Variants in GABRG3 observed in about 807,000 individuals in gnomAD.
GABRG3 encodes the protein gamma-aminobutyric acid receptor subunit gamma-3.
Under a neutral mutation model 48.8 loss-of-function variants are expected in GABRG3, and 25 were observed. The ratio of observed to expected loss-of-function variants is 0.51; its 90% CI spans 0.37 to 0.72. The LOEUF (loss-of-function observed/expected upper bound fraction) is 0.72. Ranked by LOEUF, GABRG3 falls within the 30% of genes least tolerant of loss-of-function variation. The pLI is 0.00. For synonymous variants in GABRG3, 227 were observed against 217.6 expected (o/e 1.04, Z -0.38); for missense variants, 394 against 577.9 (o/e 0.68, Z 3.26).
At chr15:27,279,722 T>C (rs1356702005) in intron 3 of GABRG3, among the ~76,000 whole-genome samples, 1 of 152,170 alleles carries the variant, frequency 6.6e-6, no homozygotes, top group Non-Finnish European at 1.5e-5. Context: ...TATTCTTCTC[T>C]TTAAAAAATT....
intron 3 of GABRG3, among the ~76,000 whole-genome samples, chr15:27,253,795 A>G (rs974394182): frequency 2.0e-5 from 3 of 152,218 alleles, no homozygotes; most frequent in Non-Finnish European, 2.9e-5. Context: ...CTTTTGCAAT[A>G]TAATGGAATG....
chr15:27,215,765 G>T (rs1323306262), intron 3 of GABRG3, among the ~76,000 whole-genome samples: 1 of 152,164 alleles, frequency 6.6e-6, no homozygotes, highest in Non-Finnish European at 1.5e-5. Flanking sequence ...GGATGAATGT[G>T]GGCAGTGACC....
intron 3 of GABRG3, among the ~76,000 whole-genome samples, chr15:27,148,794 G>A (rs897116579): frequency 9.2e-5 from 14 of 151,894 alleles, no homozygotes; most frequent in African/African-American, 1.9e-4. Context: ...ACAAAATTAC[G>A]CATTCTTCCA....
chr15:27,123,599 G>C (rs1897768434), intron 3 of GABRG3, among the ~76,000 whole-genome samples: 1 of 152,174 alleles, frequency 6.6e-6, no homozygotes, highest in Non-Finnish European at 1.5e-5. Flanking sequence ...AAATGGACTG[G>C]CATAGACATC....
chr15:27,076,254 C>G (rs576347944), intron 3 of GABRG3, among the ~76,000 whole-genome samples: 1 of 151,932 alleles, frequency 6.6e-6, no homozygotes, highest in African/African-American at 2.4e-5. Flanking sequence ...TGCCAAATCC[C>G]TGGAAGCTGC....
chr15:26,973,248 G>C (rs1469008325), intron 1 of GABRG3, among the ~76,000 whole-genome samples: 3 of 152,166 alleles, frequency 2.0e-5, no homozygotes, highest in Admixed American at 6.5e-5. Context: ...AAACAGTCCG[G>C]TTACTGGGGA....
intron 2 of GABRG3, among the ~76,000 whole-genome samples, chr15:26,984,454 AC>A (rs1360038087): frequency 6.6e-6 from 1 of 152,200 alleles, no homozygotes; most frequent in Admixed American, 6.5e-5. Flanking sequence ...TTTTCATAAT[AC>A]AAATTGTGAT....
At chr15:27,472,203 T>G (rs1889807462) in intron 5 of GABRG3, among the ~76,000 whole-genome samples, 4 of 152,190 alleles carry the variant, frequency 2.6e-5, no homozygotes. Flanking sequence ...TATGATAATT[T>G]AGGAAAATAT....
intron 3 of GABRG3, among the ~76,000 whole-genome samples, chr15:27,173,705 CAA>C (rs199674664): frequency 3.3e-4 from 24 of 73,308 alleles, no homozygotes; most frequent in African/African-American, 3.4e-4. Context: ...CTATCGCTGC[CAA>C]AAAAAAAAAA....
chr15:27,437,756 G>T (rs1217681103), intron 5 of GABRG3, among the ~76,000 whole-genome samples: 1 of 152,166 alleles, frequency 6.6e-6, no homozygotes, highest in African/African-American at 2.4e-5. Context: ...TTTTAAGAAG[G>T]TTTATTTGGC....
chr15:27,030,416 G>T (rs553549640), intron 3 of GABRG3, among the ~76,000 whole-genome samples: 1 of 152,278 alleles, frequency 6.6e-6, no homozygotes, highest in African/African-American at 2.4e-5. Flanking sequence ...TTGTTTAATA[G>T]ATTATCTTTG....
chr15:27,520,641 A>ATTTTTTTTTTTTTTTTTTTTTTT (rs1595808203), intron 7 of GABRG3, among the ~76,000 whole-genome samples: 7 of 140,938 alleles, frequency 5.0e-5, no homozygotes, highest in Admixed American at 7.4e-5. Flanking sequence ...GGTTCCCAAA[A>ATTTTTTTTTTTTTTTTTTTTTTT]TCTTCTTAAT....
chr15:27,444,917 G>T (rs1036771498), intron 5 of GABRG3, among the ~76,000 whole-genome samples: 1 of 151,956 alleles, frequency 6.6e-6, no homozygotes, highest in African/African-American at 2.4e-5. Context: ...AGTCACCCAG[G>T]CTGCAGTGCA....
intron 5 of GABRG3, among the ~76,000 whole-genome samples, chr15:27,359,098 T>A (rs9672192): frequency 0.36 from 54,725 of 151,894 alleles, 12,133 homozygotes; most frequent in African/African-American, 0.62. Context: ...ACCCCTAAGG[T>A]GGCCTCTCCC....
At chr15:27,260,461 G>A (rs576457209) in intron 3 of GABRG3, among the ~76,000 whole-genome samples, 66 of 152,090 alleles carry the variant, frequency 4.3e-4, no homozygotes, top group Admixed American at 2.4e-3. Flanking sequence ...CATGGTGCAC[G>A]GTAAAATAAA....
At chr15:27,335,999 C>T (rs939522417) in intron 5 of GABRG3, among the ~76,000 whole-genome samples, 1 of 151,922 alleles carries the variant, frequency 6.6e-6, no homozygotes, top group African/African-American at 2.4e-5. Context: ...ACCAGCGTGA[C>T]CAATATGGTG....
intron 5 of GABRG3, among the ~76,000 whole-genome samples, chr15:27,371,157 GA>G (rs151312214): frequency 3.3e-4 from 49 of 147,856 alleles, no homozygotes; most frequent in South Asian, 6.4e-4. Flanking sequence ...ACATTTTGTG[GA>G]AAAAAAAAAG....
At position 27,534,595 on chromosome 15, in the gene GABRG3, A is replaced by G. The variant is rs1242833283; in HGVS notation, c.*1714A>G. 2 of 152,224 alleles carry G rather than the reference A, an allele frequency of 1.3e-5. No individual in the cohort carries two copies. Among genetic ancestry groups the G allele is most frequent in the South Asian group, 2.1e-4 (1 of 4,830 alleles). 9.4% of individuals were successfully genotyped at this position (152,224 alleles called of 1,614,324 possible). A position where few individuals can be genotyped will look rare whatever the true frequency, so the allele number is the denominator to read the frequency against. On this transcript the variant is annotated 3_prime_UTR_variant, in exon 10 of 10. Coordinates refer to ENST00000615808, the MANE Select transcript of GABRG3 (RefSeq NM_033223.5). The stretch of plus-strand genomic sequence containing the variant: ...GAAACCGTAATTTTTAAAATTATCT[A>G]TTGTGCATACCATAATTACCCAGAA...
intron 3 of GABRG3, among the ~76,000 whole-genome samples, chr15:27,066,737 G>A (rs964448590): frequency 6.6e-6 from 1 of 152,016 alleles, no homozygotes; most frequent in South Asian, 2.1e-4. Flanking sequence ...CGCCCATTCT[G>A]TTCTATCTTG....
Sources: allele counts gnomAD v4.1 joint callset (sites outside exome capture counted in the v4.1 genomes callset), GRCh38; gene constraint gnomAD v4.1.1; transcripts MANE v1.5; gene names NCBI Gene and HGNC (gene_info 2026-07-23, HGNC 2026-07-21).